Variants in SDK2 observed in about 807,000 individuals in gnomAD.
The protein encoded by SDK2 is protein sidekick-2.
In SDK2, 105 loss-of-function variants were observed where a neutral mutation model predicts 253.9. The observed-to-expected ratio is 0.41, with a 90% CI of 0.35 to 0.49. SDK2 has a LOEUF of 0.49. Ranked by LOEUF, SDK2 falls within the 20% of genes least tolerant of loss-of-function variation. The probability of loss-of-function intolerance (pLI) is 0.06; values close to 1 mark genes in which losing one functional copy is unlikely to be tolerated. For missense variants in SDK2, 2,608 were observed against 3,003.0 expected (o/e 0.87, Z 3.07); for synonymous variants, 1,249 against 1,234.9 (o/e 1.01, Z -0.24).
At chr17:73,382,815 G>A (rs918873824) in intron 33 of SDK2, among the ~76,000 whole-genome samples, 3 of 152,102 alleles carry the variant, frequency 2.0e-5, no homozygotes, top group African/African-American at 4.8e-5. Context: ...CAGCCTGGCC[G>A]ACATGGTGAA....
intron 1 of SDK2, among the ~76,000 whole-genome samples, chr17:73,583,793 C>G (rs1326538558): frequency 6.6e-6 from 1 of 152,184 alleles, no homozygotes; most frequent in East Asian, 1.9e-4. Flanking sequence ...GCCCTGAGCT[C>G]CAGATGAAGG....
chr17:73,595,469 C>T (rs1168463408), intron 1 of SDK2, among the ~76,000 whole-genome samples: 1 of 152,194 alleles, frequency 6.6e-6, no homozygotes, highest in African/African-American at 2.4e-5. Flanking sequence ...CAGCACCAGC[C>T]TCCCACACAG....
In SDK2 at chr17:73,398,432, G is replaced by A. The variant is rs374164025; in HGVS notation, c.3094-3C>T. On this transcript the variant is annotated splice_region_variant and splice_polypyrimidine_tract_variant and intron_variant, in intron 22 of 44. Coordinates refer to ENST00000392650, the MANE Select transcript of SDK2 (RefSeq NM_001144952.2). ...TCTCCCTCCCCAACCACGCCTACCTGGAAAAGGGCAGGATCTTAGGCCTGT... is the reference window on the plus strand; with the variant it reads ...TCTCCCTCCCCAACCACGCCTACCTAGAAAAGGGCAGGATCTTAGGCCTGT... 5.6e-6 allele frequency: 9 copies of A among 1,612,704 alleles called. No individual in the cohort carries two copies. Among genetic ancestry groups the A allele is most frequent in the Non-Finnish European group, 4.2e-6 (5 of 1,178,894 alleles).
Position 73,352,562 on chromosome 17 carries a change from A to C in SDK2, c.5669T>G (p.Leu1890Arg). The C allele has an allele frequency of 6.2e-7, 1 of 1,614,064 alleles. No homozygotes were observed. The highest frequency in any genetic ancestry group is 8.5e-7 in the Non-Finnish European group (1 of 1,179,896). Reference sequence around the variant, plus strand: ...GAAGTCATAGCTCACGCCCGGCTTCAGGATGTCCATGCTGAACGTGTAGGA... The same window carrying C: ...GAAGTCATAGCTCACGCCCGGCTTCCGGATGTCCATGCTGAACGTGTAGGA... ...VSSYTFSMDI[L>R]KPGVSYDFRV... The change falls in exon 41 of 45, where the codon CTG (leucine) becomes CGG (arginine). Residue 1890 changes from leucine (L) to arginine (R), a missense_variant. Transcript: ENST00000392650. The surrounding 1 kb of genome is among the most constrained non-coding windows in gnomAD (Gnocchi z 4.1).
intron 25 of SDK2, 139 bp from the exon 26 acceptor site, chr17:73,394,463 C>G (rs1010754005): frequency 2.1e-6 from 1 of 487,244 alleles, no homozygotes; most frequent in Non-Finnish European, 3.6e-6. Flanking sequence ...ACACATGGTC[C>G]CCAAACTGCA....
chr17:73,610,349 C>G (rs904734523), intron 1 of SDK2, among the ~76,000 whole-genome samples: 4 of 152,222 alleles, frequency 2.6e-5, no homozygotes, highest in Admixed American at 6.5e-5. Flanking sequence ...TTGCCCTGCT[C>G]CAAGCTCAAA....
At position 73,467,810 on chromosome 17, in the gene SDK2, A is replaced by C. The variant is rs1016390207; in HGVS notation, c.331+4302T>G. On this transcript the variant is annotated intron_variant, in intron 3 of 44. Coordinates refer to ENST00000392650, the MANE Select transcript of SDK2 (RefSeq NM_001144952.2). This position sits in a 1 kb window ranked among gnomAD's most constrained non-coding sequence, Gnocchi z 4.1. ...TGGTTACCACTTCACGACATTATGGAGGAAACAGCTTCACACCTGCAAAGC... is the reference window on the plus strand; with the variant it reads ...TGGTTACCACTTCACGACATTATGGCGGAAACAGCTTCACACCTGCAAAGC... 1.3e-5 allele frequency among the ~76,000 whole-genome samples: 2 copies of C among 152,134 alleles called. No individual in the cohort carries two copies. The highest frequency in any genetic ancestry group is 4.8e-5 in the African/African-American group (2 of 41,446).
rs896538067 is a variant in SDK2 at position 73,352,248 on chromosome 17, A to G, written c.5758+225T>C. ...ACCCAGGGCTTCTGGAGTTCCTTGA[A>G]AGGGAGCCCCAAAGATGAAGATCCC... is the stretch of plus-strand genomic sequence containing the variant. On this transcript the variant is annotated intron_variant, in intron 41 of 44. Coordinates refer to ENST00000392650, the MANE Select transcript of SDK2 (RefSeq NM_001144952.2). This position sits in a 1 kb window ranked among gnomAD's most constrained non-coding sequence, Gnocchi z 4.1. Among the ~76,000 whole-genome samples, 1 of 152,236 alleles carries G rather than the reference A, an allele frequency of 6.6e-6. No individual in the cohort carries two copies. Among genetic ancestry groups the G allele is most frequent in the South Asian group, 2.1e-4 (1 of 4,830 alleles).
At chr17:73,345,593 C>T (rs2062476118) in intron 44 of SDK2, among the ~76,000 whole-genome samples, 1 of 152,102 alleles carries the variant, frequency 6.6e-6, no homozygotes, top group African/African-American at 2.4e-5. Context: ...AATGAATGAG[C>T]TTCATAGAGA....
chr17:73,428,183 A>G (rs2345419), intron 12 of SDK2, among the ~76,000 whole-genome samples: 83,442 of 151,906 alleles, frequency 0.55, 23,452 homozygotes, highest in East Asian at 0.68. Context: ...CCAGCTGGGC[A>G]CAGTGGCTCA....
chr17:73,387,015 C>T (rs1393453681), intron 30 of SDK2, among the ~76,000 whole-genome samples: 1 of 152,062 alleles, frequency 6.6e-6, no homozygotes, highest in African/African-American at 2.4e-5. Context: ...GGCTGGAGTG[C>T]AGTGGTGCGA....
intron 2 of SDK2, among the ~76,000 whole-genome samples, chr17:73,500,069 A>G (rs67078971): frequency 0.71 from 103,120 of 146,110 alleles, 36,463 homozygotes; most frequent in East Asian, 0.76. Context: ...TCCATCCTTC[A>G]TCCATCCTCC....
chr17:73,602,944 CA>C (rs1479086490), intron 1 of SDK2, among the ~76,000 whole-genome samples: 1 of 152,132 alleles, frequency 6.6e-6, no homozygotes, highest in Non-Finnish European at 1.5e-5. Context: ...AGGCTGGTCT[CA>C]AACTCCTGAC....
chr17:73,392,358 C>A (rs1007842419), intron 27 of SDK2, among the ~76,000 whole-genome samples: 2 of 151,990 alleles, frequency 1.3e-5, no homozygotes, highest in African/African-American at 4.8e-5. Flanking sequence ...CAAGCTCCGC[C>A]TCCCGGGTTC....
chr17:73,449,798 C>G lies in SDK2; in HGVS notation c.480-2050G>C, dbSNP rs199605278. The stretch of plus-strand genomic sequence containing the variant: ...AGCCGGGTGTGGTGGTGGTGCATGC[C>G]TGTAATCCCAGCTACTCGGGAGGCT... On this transcript the variant is annotated intron_variant, in intron 4 of 44. Transcript: ENST00000392650. Among the ~76,000 whole-genome samples the G allele has an allele frequency of 3.2e-4, 49 of 152,050 alleles. No individual in the cohort carries two copies. The East Asian group carries it at 5.0e-3, about 16-fold the overall frequency.
intron 1 of SDK2, among the ~76,000 whole-genome samples, chr17:73,595,914 C>A (rs190781589): frequency 2.6e-5 from 4 of 151,656 alleles, no homozygotes; most frequent in African/African-American, 7.2e-5. Context: ...TCAAGCAGCC[C>A]GAGAGTGTGG....
At chr17:73,454,973 G>C (rs959943464) in intron 4 of SDK2, among the ~76,000 whole-genome samples, 2 of 152,168 alleles carry the variant, frequency 1.3e-5, no homozygotes, top group African/African-American at 4.8e-5. Flanking sequence ...AAAGTGCTGG[G>C]ATCACAGGTG....
At chr17:73,469,988 G>GCACACACACA (rs1405188875) in intron 3 of SDK2, among the ~76,000 whole-genome samples, 32 of 112,444 alleles carry the variant, frequency 2.8e-4, no homozygotes, top group African/African-American at 1.0e-3. Flanking sequence ...GACTGCGCGC[G>GCACACACACA]CGCGCACACA....
intron 1 of SDK2, among the ~76,000 whole-genome samples, chr17:73,581,293 C>T (rs562337278): frequency 2.0e-5 from 3 of 152,332 alleles, no homozygotes; most frequent in African/African-American, 7.2e-5. Context: ...CTGGGCCCTG[C>T]AAACTAGGTA....
Sources: allele counts gnomAD v4.1 joint callset (sites outside exome capture counted in the v4.1 genomes callset), GRCh38; gene constraint gnomAD v4.1.1; non-coding constraint Gnocchi (gnomAD v3.1); transcripts MANE v1.5; gene names NCBI Gene and HGNC (gene_info 2026-07-23, HGNC 2026-07-21).